GPR160: variants seen among roughly 807,000 people sequenced by gnomAD.
GPR160 encodes the protein G protein-coupled receptor 160.
GPR160 carries 2 observed loss-of-function variants against 2.6 expected under a neutral mutation model. The observed-to-expected ratio is 0.77, with a 90% CI of 0.32 to 2.44. The LOEUF (loss-of-function observed/expected upper bound fraction) is 2.44, where lower values mean the gene tolerates loss of function less well. GPR160 is among the 30% of genes most tolerant of loss of function. The pLI is 0.11. For synonymous variants in GPR160, 130 were observed against 132.2 expected (o/e 0.98, Z 0.12); for missense variants, 351 against 383.6 (o/e 0.91, Z 0.71).
intron 2 of GPR160, among the ~76,000 whole-genome samples, chr3:170,069,615 A>G (rs976357724): frequency 1.3e-5 from 2 of 152,124 alleles, no homozygotes; most frequent in Admixed American, 1.3e-4. Flanking sequence ...AAAATTTTCA[A>G]ACATACATAC....
chr3:170,041,324 C>T (rs111477446), intron 2 of GPR160, among the ~76,000 whole-genome samples: 18,283 of 133,626 alleles, frequency 0.14, 1,239 homozygotes, highest in East Asian at 0.25. Context: ...TTTTTTGAGA[C>T]GGAGTCTTGC....
At chr3:170,065,884 G>A (rs1294714184) in intron 2 of GPR160, among the ~76,000 whole-genome samples, 1 of 151,616 alleles carries the variant, frequency 6.6e-6, no homozygotes, top group African/African-American at 2.4e-5. Context: ...TCTCATTCAT[G>A]ACCCCATCTG....
chr3:170,062,999 C>A, intron 2 of GPR160: 1 of 218,128 alleles, frequency 4.6e-6, no homozygotes, highest in Non-Finnish European at 9.1e-6. Flanking sequence ...CACAGTAAGC[C>A]GAGATCGCGC....
At chr3:170,066,877 C>T (rs931973117) in intron 2 of GPR160, among the ~76,000 whole-genome samples, 2 of 152,150 alleles carry the variant, frequency 1.3e-5, no homozygotes, top group African/African-American at 4.8e-5. Flanking sequence ...TCAGCCCCAC[C>T]AGATAAATAG....
At chr3:170,057,027 A>G (rs184154284) in intron 2 of GPR160, among the ~76,000 whole-genome samples, 2 of 152,346 alleles carry the variant, frequency 1.3e-5, no homozygotes, top group African/African-American at 4.8e-5. Flanking sequence ...TACTATGTAA[A>G]GAGGGTCTTA....
intron 2 of GPR160, chr3:170,062,395 C>T: frequency 2.7e-6 from 1 of 368,316 alleles, no homozygotes; most frequent in South Asian, 2.7e-5. Context: ...AGATCTTTTC[C>T]TCCGTGAGCC....
intron 2 of GPR160, among the ~76,000 whole-genome samples, chr3:170,063,802 T>C (rs1712129190): frequency 6.6e-6 from 1 of 152,122 alleles, no homozygotes; most frequent in African/African-American, 2.4e-5. Context: ...TAAGCTTGTC[T>C]TCCCCGTGCT....
intron 2 of GPR160, among the ~76,000 whole-genome samples, chr3:170,058,717 C>T (rs1040859687): frequency 6.6e-5 from 10 of 152,160 alleles, no homozygotes; most frequent in African/African-American, 2.4e-4. Context: ...AGAGGAAACA[C>T]CTCCACAAAA....
At chr3:170,082,509 T>G (rs1013214832) in intron 3 of GPR160, among the ~76,000 whole-genome samples, 1 of 152,212 alleles carries the variant, frequency 6.6e-6, no homozygotes, top group African/African-American at 2.4e-5. Context: ...TGTGGGTTTT[T>G]GGATTAGGGA....
chr3:170,066,233 C>T (rs539945435), intron 2 of GPR160, among the ~76,000 whole-genome samples: 4 of 142,692 alleles, frequency 2.8e-5, no homozygotes, highest in Admixed American at 7.3e-5. Context: ...CTCTGCCTCC[C>T]GGGTTCACGC....
rs146245587 is a variant in GPR160, at chr3:170,065,569, T to C, written c.-192-14205T>C. Reference sequence around the variant, plus strand: ...TCTGATGACGTATGCCTTTCTTTCATTGGCTTCCTAAGAACTTCATGTGAG... The same window carrying C: ...TCTGATGACGTATGCCTTTCTTTCACTGGCTTCCTAAGAACTTCATGTGAG... On this transcript the variant is annotated intron_variant, in intron 2 of 3. Coordinates refer to ENST00000355897, the MANE Select transcript of GPR160 (RefSeq NM_014373.3). Among the ~76,000 whole-genome samples, 103 of 152,386 alleles carry C rather than the reference T, an allele frequency of 6.8e-4. 1 individual carries two copies. Among genetic ancestry groups the C allele is most frequent in the African/African-American group, 2.4e-3 (99 of 41,596 alleles).
At chr3:170,070,026 G>T (rs983176332) in intron 2 of GPR160, among the ~76,000 whole-genome samples, 2 of 152,052 alleles carry the variant, frequency 1.3e-5, no homozygotes, top group African/African-American at 4.8e-5. Context: ...CCTCTTTAAA[G>T]GTCCTATCTC....
At chr3:170,083,250 G>C (rs554366741) in intron 3 of GPR160, 16 of 152,144 alleles carry the variant, frequency 1.1e-4, no homozygotes, top group Admixed American at 9.8e-4. Context: ...TATCCATACT[G>C]AGTCCCTGTT....
chr3:170,048,169 G>A (rs760217867), intron 2 of GPR160, among the ~76,000 whole-genome samples: 3 of 152,200 alleles, frequency 2.0e-5, no homozygotes, highest in Admixed American at 6.5e-5. Context: ...AATCGAAAAC[G>A]AAATGCCATA....
intron 2 of GPR160, among the ~76,000 whole-genome samples, chr3:170,059,851 T>G (rs1006928041): frequency 1.3e-5 from 2 of 151,964 alleles, no homozygotes; most frequent in African/African-American, 2.4e-5. Flanking sequence ...CACTCCCCCC[T>G]CTAGCAGGCC....
intron 2 of GPR160, among the ~76,000 whole-genome samples, chr3:170,072,136 A>G (rs1226096808): frequency 3.8e-5 from 5 of 133,206 alleles, no homozygotes; most frequent in Non-Finnish European, 7.6e-5. Flanking sequence ...GTGCAGTGGC[A>G]TGATTGTGGC....
chr3:170,064,409 G>T (rs1235806817), intron 2 of GPR160, among the ~76,000 whole-genome samples: 1 of 152,042 alleles, frequency 6.6e-6, no homozygotes, highest in Admixed American at 6.5e-5. Context: ...CGAGACCCCC[G>T]GGAATCTAAG....
chr3:170,076,442 T>C (rs952404877), intron 2 of GPR160, among the ~76,000 whole-genome samples: 1 of 152,220 alleles, frequency 6.6e-6, no homozygotes, highest in Non-Finnish European at 1.5e-5. Flanking sequence ...TTTGGAGGGA[T>C]AAAATTTCAT....
chr3:170,084,991 A>G lies in GPR160; in HGVS notation c.*2A>G. The G allele has an allele frequency of 7.3e-7, 1 of 1,368,354 alleles. No individual in the cohort carries two copies. Among genetic ancestry groups the G allele is most frequent in the South Asian group, 1.4e-5 (1 of 69,536 alleles). 84.8% of individuals were successfully genotyped at this position (1,368,354 alleles called of 1,614,324 possible). A position where few individuals can be genotyped will look rare whatever the true frequency, so the allele number is the denominator to read the frequency against. The stretch of plus-strand genomic sequence containing the variant: ...CCTATATCAATAATGATTTGTTAAT[A>G]TTATTAATTAAAAGTTACAGCTGTC... On this transcript the variant is annotated 3_prime_UTR_variant, in exon 4 of 4. Coordinates refer to ENST00000355897, the MANE Select transcript of GPR160 (RefSeq NM_014373.3).
Sources: gnomAD v4.1 joint callset for allele counts (sites outside exome capture counted in the v4.1 genomes callset) on GRCh38, gnomAD v4.1.1 for gene constraint, MANE v1.5 for transcripts, NCBI Gene and HGNC (gene_info 2026-07-23, HGNC 2026-07-21) for gene names.